PCGF5: variants seen among roughly 807,000 people sequenced by gnomAD.
PCGF5 encodes polycomb group RING finger protein 5.
PCGF5 carries 9 observed loss-of-function variants against 44.3 expected under a neutral mutation model. The ratio of observed to expected loss-of-function variants is 0.20; its 90% CI spans 0.12 to 0.35. The LOEUF (loss-of-function observed/expected upper bound fraction) is 0.35, where lower values mean the gene tolerates loss of function less well. Among genes scored for constraint, PCGF5 ranks in the 10% least tolerant of loss-of-function variants. The probability of loss-of-function intolerance (pLI) is 1.00; values close to 1 mark genes in which losing one functional copy is unlikely to be tolerated. For synonymous variants in PCGF5, 95 were observed against 102.5 expected (o/e 0.93, Z 0.44); for missense variants, 146 against 305.3 (o/e 0.48, Z 3.89).
intron 8 of PCGF5, among the ~76,000 whole-genome samples, chr10:91,268,315 G>T (rs1846094467): frequency 6.6e-6 from 1 of 152,116 alleles, no homozygotes; most frequent in South Asian, 2.1e-4. Flanking sequence ...GGGCCTTCTA[G>T]GTTGCTTTAT....
At chr10:91,214,839 C>G (rs1393916764) in intron 1 of PCGF5, among the ~76,000 whole-genome samples, 1 of 152,186 alleles carries the variant, frequency 6.6e-6, no homozygotes, top group Non-Finnish European at 1.5e-5. Context: ...AAGGAAGGAG[C>G]AGAGAATCCC....
intron 1 of PCGF5, among the ~76,000 whole-genome samples, chr10:91,179,186 A>C (rs11186487): frequency 0.37 from 55,910 of 151,930 alleles, 10,940 homozygotes; most frequent in East Asian, 0.52. Flanking sequence ...CAAGTCATGT[A>C]CTCTCTATCC....
intron 9 of PCGF5, among the ~76,000 whole-genome samples, chr10:91,272,516 T>C (rs1485665140): frequency 6.6e-6 from 1 of 152,172 alleles, no homozygotes; most frequent in Non-Finnish European, 1.5e-5. Flanking sequence ...CTCACCTCTG[T>C]AATCTCAGCA....
At chr10:91,246,975 A>G (rs113072152) in intron 3 of PCGF5, among the ~76,000 whole-genome samples, 2 of 50,640 alleles carry the variant, frequency 3.9e-5, no homozygotes, top group African/African-American at 1.7e-4. Flanking sequence ...GGATAGATAG[A>G]TAGATAGATA....
intron 9 of PCGF5, among the ~76,000 whole-genome samples, chr10:91,272,269 T>TAAACA (rs1846197633): frequency 6.6e-6 from 1 of 152,210 alleles, no homozygotes; most frequent in Non-Finnish European, 1.5e-5. Flanking sequence ...CAGACAAGGG[T>TAAACA]ATAGTAAAGA....
intron 2 of PCGF5, among the ~76,000 whole-genome samples, chr10:91,229,746 A>C (rs537029149): frequency 1.3e-5 from 2 of 152,294 alleles, no homozygotes; most frequent in Middle Eastern, 6.8e-3. Context: ...TAATGAAAAA[A>C]AGATATAAAT....
chr10:91,233,645 ATTAGTG>A (rs1014381545), intron 2 of PCGF5, among the ~76,000 whole-genome samples: 4 of 152,332 alleles, frequency 2.6e-5, no homozygotes, highest in Admixed American at 6.5e-5. Flanking sequence ...GATTTTTTAA[ATTAGTG>A]TTAGTTTCAC....
At chr10:91,200,422 G>A (rs1471621541) in intron 1 of PCGF5, among the ~76,000 whole-genome samples, 1 of 152,202 alleles carries the variant, frequency 6.6e-6, no homozygotes, top group Non-Finnish European at 1.5e-5. Context: ...AACAGGGGAT[G>A]TAGCCCCTTT....
At chr10:91,180,150 T>C (rs923244403) in intron 1 of PCGF5, among the ~76,000 whole-genome samples, 61 of 152,358 alleles carry the variant, frequency 4.0e-4, no homozygotes, top group African/African-American at 1.3e-3. Flanking sequence ...TGTCTTCTTT[T>C]GAAATTTGTC....
intron 3 of PCGF5, among the ~76,000 whole-genome samples, chr10:91,241,115 C>T (rs1056862073): frequency 6.6e-6 from 1 of 150,778 alleles, no homozygotes; most frequent in Non-Finnish European, 1.5e-5. Flanking sequence ...ACTCTTGTTG[C>T]CCAGGCTGGA....
chr10:91,259,593 A>G (rs1424201388), intron 6 of PCGF5, among the ~76,000 whole-genome samples: 2 of 152,172 alleles, frequency 1.3e-5, no homozygotes, highest in Admixed American at 6.5e-5. Flanking sequence ...CAGTAACCAA[A>G]ACAGCATGGT....
At chr10:91,272,393 C>T (rs1417350274) in intron 9 of PCGF5, among the ~76,000 whole-genome samples, 2 of 152,020 alleles carry the variant, frequency 1.3e-5, no homozygotes, top group African/African-American at 4.8e-5. Context: ...GCCTGTAATC[C>T]CAGTGCTTTG....
At chr10:91,180,711 G>A (rs570004388) in intron 1 of PCGF5, among the ~76,000 whole-genome samples, 1 of 152,092 alleles carries the variant, frequency 6.6e-6, no homozygotes, top group Non-Finnish European at 1.5e-5. Flanking sequence ...TGGTCTATGT[G>A]TCTGTTCTTA....
chr10:91,267,505 G>T (rs78639249), intron 8 of PCGF5, among the ~76,000 whole-genome samples: 1,907 of 152,250 alleles, frequency 0.013, 46 homozygotes, highest in African/African-American at 0.042. Flanking sequence ...CTTGTTCAAA[G>T]AATAAATTGA....
chr10:91,251,030 G>T (rs961698507), intron 5 of PCGF5, among the ~76,000 whole-genome samples: 6 of 150,284 alleles, frequency 4.0e-5, no homozygotes, highest in African/African-American at 1.5e-4. Context: ...AATACAGCTA[G>T]TCCTGAATCT....
At chr10:91,157,194 T>C in the PCGF5 span, among the ~76,000 whole-genome samples, 1 of 152,212 alleles carries the variant, frequency 6.6e-6, no homozygotes, top group African/African-American at 2.4e-5. Context: ...TACTTTACAT[T>C]TGTTATCCCA....
In PCGF5 at chr10:91,271,804, T is replaced by C. The variant is rs1036775291; in HGVS notation, c.723+107T>C. ...ACATTTAACTTTGTAAAACTGTTAC[T>C]GGAGCTACAAAAACTTATCTTTTCA... On this transcript the variant is annotated intron_variant, in intron 9 of 9. Coordinates refer to ENST00000336126, the MANE Select transcript of PCGF5 (RefSeq NM_032373.5). 6.1e-5 allele frequency: 55 copies of C among 901,886 alleles called. 1 individual carries two copies. In the South Asian group the frequency reaches 9.0e-4, roughly 15 times the overall value. 55.9% of individuals were successfully genotyped at this position (901,886 alleles called of 1,614,324 possible).
chr10:91,274,760 G>A (rs567075719), intron 9 of PCGF5, among the ~76,000 whole-genome samples: 1 of 152,200 alleles, frequency 6.6e-6, no homozygotes, highest in East Asian at 1.9e-4. Context: ...ATCTGAGGTA[G>A]AGCACTGAAG....
intron 1 of PCGF5, among the ~76,000 whole-genome samples, chr10:91,188,235 G>A (rs1055838319): frequency 6.6e-6 from 1 of 152,326 alleles, no homozygotes; most frequent in East Asian, 1.9e-4. Flanking sequence ...CACCATGCGC[G>A]AGCTGAAGCA....
Sources: allele counts gnomAD v4.1 joint callset (sites outside exome capture counted in the v4.1 genomes callset), GRCh38; gene constraint gnomAD v4.1.1; transcripts MANE v1.5; gene names NCBI Gene and HGNC (gene_info 2026-07-23, HGNC 2026-07-21).